Variants in WDFY4 observed in about 807,000 individuals in gnomAD.
WDFY4 encodes the protein WD repeat- and FYVE domain-containing protein 4.
In WDFY4, 169 loss-of-function variants were observed where a neutral mutation model predicts 351.9. The observed-to-expected ratio is 0.48, with a 90% CI of 0.42 to 0.55. The LOEUF is 0.55. Among genes scored for constraint, WDFY4 ranks in the 20% least tolerant of loss-of-function variants. WDFY4 has a pLI of 0.00. For synonymous variants in WDFY4, 1,622 were observed against 1,574.6 expected (o/e 1.03, Z -0.71); for missense variants, 3,803 against 3,935.6 (o/e 0.97, Z 0.90).
At chr10:48,815,554 G>A (rs911344196) in intron 31 of WDFY4, among the ~76,000 whole-genome samples, 2 of 152,020 alleles carry the variant, frequency 1.3e-5, no homozygotes, top group Admixed American at 6.6e-5. Context: ...TGCTTCTCAG[G>A]CTCGGATGAT....
At chr10:48,965,069 G>A (rs1842018366) in intron 54 of WDFY4, among the ~76,000 whole-genome samples, 1 of 152,130 alleles carries the variant, frequency 6.6e-6, no homozygotes, top group Non-Finnish European at 1.5e-5. Flanking sequence ...AGAATTTCAG[G>A]AAATAAGCCT....
chr10:48,793,699 A>T lies in WDFY4; in HGVS notation c.4258-2599A>T, dbSNP rs115098029. Among the ~76,000 whole-genome samples, 733 of 152,294 alleles carry T rather than the reference A, an allele frequency of 4.8e-3. 4 individuals are homozygous for T. Among genetic ancestry groups the T allele is most frequent in the African/African-American group, 0.016 (662 of 41,554 alleles). The stretch of plus-strand genomic sequence containing the variant: ...GTGTGTCCGGCTTGTTTATTGCTGT[A>T]CCCTAAGAACATGCCATAGATAGTA... On this transcript the variant is annotated intron_variant, in intron 23 of 61. Transcript: ENST00000325239.
chr10:48,707,972 T>C (rs2063675864), intron 1 of WDFY4, among the ~76,000 whole-genome samples: 1 of 151,678 alleles, frequency 6.6e-6, no homozygotes, highest in African/African-American at 2.4e-5. Flanking sequence ...CAAAACCCCA[T>C]CCCAGTGCCC....
At chr10:48,797,196 G>C (rs2066905703) in intron 24 of WDFY4, among the ~76,000 whole-genome samples, 1 of 152,176 alleles carries the variant, frequency 6.6e-6, no homozygotes, top group Non-Finnish European at 1.5e-5. Flanking sequence ...ATCAGAGTGA[G>C]AGCAGCCATG....
intron 47 of WDFY4, among the ~76,000 whole-genome samples, chr10:48,929,808 C>T (rs560582447): frequency 6.6e-6 from 1 of 152,278 alleles, no homozygotes; most frequent in East Asian, 1.9e-4. Flanking sequence ...GGGCTGACAG[C>T]CTTGGCCTCC....
intron 5 of WDFY4, 106 bp downstream of exon 5, chr10:48,723,673 T>A: frequency 1.4e-6 from 2 of 1,444,430 alleles, no homozygotes; most frequent in Non-Finnish European, 1.9e-6. Context: ...CCCTGGTTCC[T>A]GAACTCCTCT....
At chr10:48,774,278 CCG>C (rs1491053767) in intron 13 of WDFY4, among the ~76,000 whole-genome samples, 178 bp from the exon 14 acceptor site, 3 of 136,806 alleles carry the variant, frequency 2.2e-5, no homozygotes, top group Non-Finnish European at 3.1e-5. Flanking sequence ...GACTTGCCCC[CCG>C]CCAGGTGAGG....
At chr10:48,883,930 A>G (rs1447082111) in intron 43 of WDFY4, 2 of 152,156 alleles carry the variant, frequency 1.3e-5, no homozygotes, top group African/African-American at 4.8e-5. Flanking sequence ...AGGACTACAA[A>G]CGCATTTCTC....
At chr10:48,914,542 C>T (rs1263592506) in intron 47 of WDFY4, among the ~76,000 whole-genome samples, 1 of 152,222 alleles carries the variant, frequency 6.6e-6, no homozygotes, top group Non-Finnish European at 1.5e-5. Flanking sequence ...GTACCCCCAA[C>T]CCAGAGCCAT....
intron 58 of WDFY4, among the ~76,000 whole-genome samples, chr10:48,975,750 G>A (rs1193999223): frequency 6.6e-6 from 1 of 152,090 alleles, no homozygotes; most frequent in Non-Finnish European, 1.5e-5. Context: ...GGATGCATGG[G>A]TGGATGAATG....
At chr10:48,808,578 G>A (rs1774888194) in intron 28 of WDFY4, among the ~76,000 whole-genome samples, 1 of 152,176 alleles carries the variant, frequency 6.6e-6, no homozygotes, top group Admixed American at 6.5e-5. Context: ...ATGCAGTGCT[G>A]AGCAAGTCAG....
At chr10:48,714,580 C>T (rs1315821179) in intron 2 of WDFY4, among the ~76,000 whole-genome samples, 1 of 152,196 alleles carries the variant, frequency 6.6e-6, no homozygotes, top group Non-Finnish European at 1.5e-5. Flanking sequence ...AGGTGTTCTT[C>T]TAGCAATCAT....
intron 1 of WDFY4, among the ~76,000 whole-genome samples, chr10:48,686,815 C>T (rs559680068): frequency 5.1e-4 from 77 of 152,092 alleles, no homozygotes; most frequent in African/African-American, 1.6e-3. Context: ...TAAGCAGTGC[C>T]GCTAGAACTA....
chr10:48,696,671 A>C (rs942310446), intron 1 of WDFY4, among the ~76,000 whole-genome samples: 2 of 152,226 alleles, frequency 1.3e-5, no homozygotes, highest in African/African-American at 4.8e-5. Flanking sequence ...TTGGGGCTGA[A>C]CCCCAAAGAT....
intron 57 of WDFY4, among the ~76,000 whole-genome samples, chr10:48,972,344 A>C (rs1217306555): frequency 6.6e-6 from 1 of 152,226 alleles, no homozygotes; most frequent in Non-Finnish European, 1.5e-5. Flanking sequence ...ATTACTTCAA[A>C]GACAAACAAT....
chr10:48,922,009 T>C (rs1839126865), intron 47 of WDFY4, among the ~76,000 whole-genome samples: 1 of 152,220 alleles, frequency 6.6e-6, no homozygotes, highest in Non-Finnish European at 1.5e-5. Flanking sequence ...TACTGAAACC[T>C]GTTCACAGGT....
Position 48,973,325 on chromosome 10 carries a change from C to T in WDFY4, c.8929-1537C>T, listed in dbSNP as rs1284948859. On this transcript the variant is annotated intron_variant, in intron 57 of 61. Transcript: ENST00000325239. ...TTCTCCTGCTCACTTAGGCAGTTTT[C>T]ATTTTCCTAGGATGACCCAAATCTT... is the stretch of plus-strand genomic sequence containing the variant. Among the ~76,000 whole-genome samples the T allele has an allele frequency of 2.0e-5, 3 of 151,662 alleles. No homozygotes were observed. In the East Asian group the frequency reaches 5.8e-4, roughly 29 times the overall value.
rs1590016948 is a variant in WDFY4, at chr10:48,969,105, G to A, written c.8626G>A (p.Ala2876Thr). ...FSLGSESPKG[A>T]IGHIVSTEKT... ...TCTAGGCTCAGAGTCCCCCAAAGGGGCCATTGGCCACATTGTCTCTACTGA... is the reference window on the plus strand; with the variant it reads ...TCTAGGCTCAGAGTCCCCCAAAGGGACCATTGGCCACATTGTCTCTACTGA... The change falls in exon 56 of 62, where the codon GCC becomes ACC. Residue 2876 changes from alanine to threonine, a missense_variant. Transcript: ENST00000325239. 6.4e-7 allele frequency: 1 copy of A among 1,551,748 alleles called. No homozygotes were observed. Among genetic ancestry groups the A allele is most frequent in the Non-Finnish European group, 8.7e-7 (1 of 1,146,958 alleles).
chr10:48,851,792 C>A (rs1316237172), intron 39 of WDFY4, among the ~76,000 whole-genome samples: 1 of 152,238 alleles, frequency 6.6e-6, no homozygotes, highest in African/African-American at 2.4e-5. Context: ...AAGGTGGGTA[C>A]CACCAAGCTT....
Sources: gnomAD v4.1 joint callset for allele counts (sites outside exome capture counted in the v4.1 genomes callset) on GRCh38, gnomAD v4.1.1 for gene constraint, MANE v1.5 for transcripts, NCBI Gene and HGNC (gene_info 2026-07-23, HGNC 2026-07-21) for gene names.